The following ABCC12 variants were observed in gnomAD, a reference collection of about 807,000 sequenced individuals.
The protein encoded by ABCC12 is ATP binding cassette subfamily C member 12, also known as ATP-binding cassette sub-family C member 12.
In ABCC12, 142 loss-of-function variants were observed where a neutral mutation model predicts 151.1. The ratio of observed to expected loss-of-function variants is 0.94; its 90% CI spans 0.82 to 1.08. ABCC12 has a LOEUF of 1.08. Ranked by LOEUF, ABCC12 falls within the 50% of genes least tolerant of loss-of-function variation. The pLI is 0.00. For synonymous variants in ABCC12, 645 were observed against 646.4 expected, an observed-to-expected ratio of 1.00 and a Z score of 0.03; for missense variants, 1,638 against 1,691.1, an observed-to-expected ratio of 0.97 and a Z score of 0.55.
chr16:48,128,921 A>C (rs76798299), intron 10 of ABCC12, among the ~76,000 whole-genome samples, 184 bp from the exon 11 acceptor site: 1 of 152,180 alleles, frequency 6.6e-6, no homozygotes. Context: ...AGCTCATGCT[A>C]TCTGGGACAG....
intron 24 of ABCC12, among the ~76,000 whole-genome samples, chr16:48,094,439 C>T (rs1963018920): frequency 6.6e-6 from 1 of 152,132 alleles, no homozygotes; most frequent in Non-Finnish European, 1.5e-5. Context: ...AAAATGGAAG[C>T]AGAGCATGCT....
At position 48,144,050 on chromosome 16, in the gene ABCC12, C is replaced by T. The variant is rs779621753; in HGVS notation, c.135G>A (p.Pro45=). ...VRPCARLAPN[P]VDDAGLLSFA... is the part of the protein sequence containing the mutation. ...AGGAGAGTAGCCCGGCATCATCCAC[C>T]GGGTTGGGTGCTAACCTGCAGACAA... Residue 45 remains proline, a synonymous_variant, in exon 4 of 31, where the codon CCG becomes CCA. Coordinates refer to ENST00000311303, the MANE Select transcript of ABCC12 (RefSeq NM_001393797.1). 2.0e-5 allele frequency: 33 copies of T among 1,613,700 alleles called. No homozygotes were observed. The highest frequency in any genetic ancestry group is 2.0e-4 in the Admixed American group (12 of 59,968).
chr16:48,137,319 T>G (rs1453581162), intron 8 of ABCC12, among the ~76,000 whole-genome samples: 1 of 152,244 alleles, frequency 6.6e-6, no homozygotes, highest in African/African-American at 2.4e-5. Flanking sequence ...GTAGCTCCCA[T>G]GGCCTTGCAC....
In ABCC12 at chr16:48,083,417, G is replaced by T. The variant is rs1214123095; in HGVS notation, c.*298C>A. ...ACAATATTTTCAATCTCAGGCACTG[G>T]GGTGGTTTTGGTGAAAACACATGAG... On this transcript the variant is annotated 3_prime_UTR_variant, in exon 31 of 31. Coordinates refer to ENST00000311303, the MANE Select transcript of ABCC12 (RefSeq NM_001393797.1). 8.7e-6 allele frequency: 3 copies of T among 345,320 alleles called. No individual in the cohort carries two copies. 21.4% of individuals were successfully genotyped at this position (345,320 alleles called of 1,614,324 possible). A position where few individuals can be genotyped will look rare whatever the true frequency, so the allele number is the denominator to read the frequency against.
At chr16:48,086,996 C>T (rs560701159) in intron 27 of ABCC12, among the ~76,000 whole-genome samples, 177 bp from the exon 28 acceptor site, 47 of 152,282 alleles carry the variant, frequency 3.1e-4, no homozygotes, top group Admixed American at 6.5e-4. Flanking sequence ...CCTCAGGCCA[C>T]GAGACCAAGG....
At position 48,139,169 on chromosome 16, in the gene ABCC12, G is replaced by T. The variant is rs1236336570; in HGVS notation, c.825C>A (p.Pro275=). ...IGISVYVIFI[P]VQMFMAKLNS... is the part of the protein sequence containing the mutation. ...CGCAAAAGCCTGCCGTTACCTGGAC[G>T]GGTATGAATATGACATACACTGATA... Residue 275 remains proline, a synonymous_variant, in exon 7 of 31, where the codon CCC becomes CCA. Coordinates refer to ENST00000311303, the MANE Select transcript of ABCC12 (RefSeq NM_001393797.1). 6.3e-7 allele frequency: 1 copy of T among 1,587,702 alleles called. No individual in the cohort carries two copies. The highest frequency in any genetic ancestry group is 2.2e-5 in the East Asian group (1 of 44,612).
chr16:48,124,961 C>A (rs1454264985), intron 11 of ABCC12, among the ~76,000 whole-genome samples: 1 of 152,156 alleles, frequency 6.6e-6, no homozygotes, highest in Non-Finnish European at 1.5e-5. Context: ...CACATCTATG[C>A]TTGCCATGGA....
rs189927043 is a variant in ABCC12 at position 48,150,627 on chromosome 16, T to C, written c.-51+2989A>G. 2.0e-5 allele frequency among the ~76,000 whole-genome samples: 3 copies of C among 152,314 alleles called. No individual in the cohort carries two copies. The East Asian group carries it at 5.8e-4, about 29-fold the overall frequency. ...TGACTATATTTGTAGTAAGATTTCA[T>C]TTCTCCAAGTACTTGAATCTCCTTA... On this transcript the variant is annotated intron_variant, in intron 2 of 30. Transcript: ENST00000311303.
chr16:48,122,662 G>A (rs1964111842), intron 12 of ABCC12, among the ~76,000 whole-genome samples: 1 of 152,182 alleles, frequency 6.6e-6, no homozygotes, highest in Non-Finnish European at 1.5e-5. Flanking sequence ...GCGGCCGAAG[G>A]ATGTGATGCC....
intron 24 of ABCC12, 41 bp downstream of exon 24, chr16:48,096,705 C>CCTCGA: frequency 1.2e-6 from 2 of 1,605,730 alleles, no homozygotes; most frequent in Non-Finnish European, 1.7e-6. Flanking sequence ...TATTACAGGC[C>CCTCGA]GGAGCCTCCA....
intron 10 of ABCC12, 36 bp downstream of exon 10, chr16:48,130,752 G>A (rs751534128): frequency 2.6e-6 from 4 of 1,515,832 alleles, no homozygotes; most frequent in Non-Finnish European, 3.7e-6. Flanking sequence ...CCCAAAATGA[G>A]ATCTCTCTTC....
chr16:48,086,644 T>C (rs1962615485), intron 28 of ABCC12, 97 bp downstream of exon 28: 1 of 1,041,504 alleles, frequency 9.6e-7, no homozygotes, highest in African/African-American at 1.6e-5. Flanking sequence ...CCTGGCTAAG[T>C]GCTGGCCTAG....
At chr16:48,138,831 A>C (rs1207789696) in intron 7 of ABCC12, among the ~76,000 whole-genome samples, 1 of 151,830 alleles carries the variant, frequency 6.6e-6, no homozygotes, top group African/African-American at 2.4e-5. Flanking sequence ...AGCCAGGTAC[A>C]GTGGCATGCA....
rs144949377 is a variant in ABCC12, at chr16:48,108,482, C to T, written c.2329G>A (p.Val777Met). The T allele has an allele frequency of 7.2e-5, 117 of 1,614,060 alleles. No individual in the cohort carries two copies. The highest frequency in any genetic ancestry group is 1.6e-4 in the Middle Eastern group (1 of 6,084). ...IQTESPQEGTVTWKTYHTYIK... is the reference protein window; with the variant it reads ...IQTESPQEGTMTWKTYHTYIK... ...TACGTGTGATATGTTTTCCAGGTCA[C>T]GGTTCCTTCCTGGGGGGATTCAGTC... Residue 777 changes from valine (V) to methionine (M), a missense_variant, in exon 19 of 31, where the codon GTG becomes ATG. Coordinates refer to ENST00000311303, the MANE Select transcript of ABCC12 (RefSeq NM_001393797.1).
intron 2 of ABCC12, among the ~76,000 whole-genome samples, chr16:48,148,900 C>CG (rs1241689917): frequency 6.6e-6 from 1 of 151,960 alleles, no homozygotes; most frequent in Non-Finnish European, 1.5e-5. Context: ...CCCAAACAAA[C>CG]TGTGGGCTTC....
intron 20 of ABCC12, among the ~76,000 whole-genome samples, chr16:48,107,048 C>T (rs1963516358): frequency 6.6e-6 from 1 of 152,206 alleles, no homozygotes; most frequent in Non-Finnish European, 1.5e-5. Flanking sequence ...CAATCTTGTA[C>T]GTGCCTGATT....
intron 23 of ABCC12, among the ~76,000 whole-genome samples, chr16:48,097,149 T>C (rs1329388844): frequency 6.6e-6 from 1 of 152,188 alleles, no homozygotes; most frequent in African/African-American, 2.4e-5. Flanking sequence ...CATGTGGCAA[T>C]AGAGTAGGGT....
At chr16:48,139,042 T>C (rs779376801) in intron 7 of ABCC12, 121 bp downstream of exon 7, 4 of 1,161,308 alleles carry the variant, frequency 3.4e-6, no homozygotes, top group Non-Finnish European at 4.8e-6. Flanking sequence ...AGGAAGTAAA[T>C]CTGTGAGTAC....
chr16:48,125,955 C>T (rs1964224322), intron 11 of ABCC12, among the ~76,000 whole-genome samples: 1 of 152,108 alleles, frequency 6.6e-6, no homozygotes, highest in African/African-American at 2.4e-5. Flanking sequence ...TCAGTTAAGT[C>T]CCACTGAGTG....
Sources: allele counts gnomAD v4.1 joint callset (sites outside exome capture counted in the v4.1 genomes callset), GRCh38; gene constraint gnomAD v4.1.1; transcripts MANE v1.5; gene names NCBI Gene and HGNC (gene_info 2026-07-23, HGNC 2026-07-21).